FAT2: variants seen among roughly 807,000 people sequenced by gnomAD.
The protein encoded by FAT2 is protocadherin Fat 2.
FAT2 carries 150 observed loss-of-function variants against 295.3 expected under a neutral mutation model. The ratio of observed to expected loss-of-function variants is 0.51; its 90% CI spans 0.44 to 0.58. FAT2 has a LOEUF of 0.58. FAT2 is among the 20% of genes least tolerant of loss of function. The pLI is 0.00. For missense variants in FAT2, 4,868 were observed against 5,442.7 expected (o/e 0.89, Z 3.32); for synonymous variants, 2,026 against 2,150.3 (o/e 0.94, Z 1.60).
rs1365656221 is a variant in FAT2, at chr5:151,545,689, AAAAACTTCAAGGCCTCCGGCTCC to A, written c.5415_5437del (p.Leu1805PhefsTer4). ...GGTTCCCATGCTGGGATCAATTTTG[AAAAACTTCAAGGCCTCCGGCTCC>A]AAAATTTTATAGACCAACAAGGAAT... On this transcript the variant is annotated frameshift_variant, in exon 10 of 24. Coordinates refer to ENST00000261800, the MANE Select transcript of FAT2 (RefSeq NM_001447.3). LOFTEE classifies it high-confidence loss of function. The A allele has an allele frequency of 6.2e-6, 10 of 1,614,098 alleles. No homozygotes were observed. The African/African-American group carries it at 9.3e-5, about 15-fold the overall frequency.
intron 16 of FAT2, 73 bp downstream of exon 16, chr5:151,527,923 A>G (rs1754187413): frequency 2.6e-6 from 4 of 1,558,126 alleles, no homozygotes; most frequent in African/African-American, 1.4e-5. Context: ...ACAGCGATTC[A>G]TCTTCTGGAC....
At chr5:151,594,503 G>A (rs1038341339), upstream of FAT2, among the ~76,000 whole-genome samples, 10 of 152,196 alleles carry the variant, frequency 6.6e-5, no homozygotes, top group East Asian at 1.9e-4. Context: ...GGACCTCAGC[G>A]TCCCTCTTTC....
chr5:151,549,512 G>A lies in FAT2; in HGVS notation c.4579-7C>T. The A allele has an allele frequency of 3.1e-6, 5 of 1,613,472 alleles. No homozygotes were observed. Among genetic ancestry groups the A allele is most frequent in the Non-Finnish European group, 4.2e-6 (5 of 1,179,468 alleles). ...GTATTTCCTGGTCTCGGACCTATGG[G>A]CCCAAAGGGGGTAATTGGGTAAGCA... is the stretch of plus-strand genomic sequence containing the variant. On this transcript the variant is annotated splice_region_variant and splice_polypyrimidine_tract_variant and intron_variant, in intron 8 of 23. Transcript: ENST00000261800.
At position 151,512,101 on chromosome 5, in the gene FAT2, C is replaced by T. The variant is rs766585796; in HGVS notation, c.11905+64G>A. Reference sequence around the variant, plus strand: ...GCTCTGAGATCTCCACCCTGACATGCTTTTCCCACCTGAAGAGCCTTCTGG... The same window carrying T: ...GCTCTGAGATCTCCACCCTGACATGTTTTTCCCACCTGAAGAGCCTTCTGG... On this transcript the variant is annotated intron_variant, in intron 21 of 23. Transcript: ENST00000261800. The surrounding 1 kb of genome is among the most constrained non-coding windows in gnomAD (Gnocchi z 4.1). 6.7e-7 allele frequency: 1 copy of T among 1,489,110 alleles called. No homozygotes were observed. Among genetic ancestry groups the T allele is most frequent in the African/African-American group, 1.4e-5 (1 of 72,070 alleles). The allele number at this position is 1,489,110 out of a possible 1,614,324, so 92.2% of individuals were successfully genotyped here.
chr5:151,554,463 T>A lies in FAT2; in HGVS notation c.3844A>T (p.Ser1282Cys), dbSNP rs1391882863. 2 of 1,614,228 alleles carry A rather than the reference T, an allele frequency of 1.2e-6. No individual in the cohort carries two copies. Among genetic ancestry groups the A allele is most frequent in the Non-Finnish European group, 1.7e-6 (2 of 1,180,038 alleles). The change falls in exon 5 of 24, where the codon AGT becomes TGT. Residue 1282 changes from serine (S) to cysteine (C), a missense_variant. By Grantham distance (112) the Ser-to-Cys change is moderately radical. Around this residue, in one of 5 missense-constraint regions of FAT2, gnomAD observed 3,297 missense variants for 3,669.4 expected, o/e 0.90. Transcript: ENST00000261800. ...GCCTCCTCATCGCTGTCCTCGATAC[T>A]GTAGGTGACTCTGCCATTAAGACCC... ...DEGLNGRVTY[S>C]IEDSDEEAFS...
intron 1 of FAT2, among the ~76,000 whole-genome samples, chr5:151,579,304 G>A (rs1338162758): frequency 6.6e-6 from 1 of 152,226 alleles, no homozygotes; most frequent in African/African-American, 2.4e-5. Flanking sequence ...AGGCATGGTG[G>A]CTCATGCCTG....
chr5:151,580,997 T>A (rs1246996987), intron 1 of FAT2, among the ~76,000 whole-genome samples: 1 of 152,124 alleles, frequency 6.6e-6, no homozygotes, highest in Non-Finnish European at 1.5e-5. Context: ...TTCCCTTCCG[T>A]GAGCCCATCA....
rs747683098 is a variant in FAT2 at position 151,544,539 on chromosome 5, C to A, written c.6588G>T (p.Arg2196=). 2.5e-6 allele frequency: 4 copies of A among 1,613,960 alleles called. No homozygotes were observed. The highest frequency in any genetic ancestry group is 2.2e-5 in the South Asian group (2 of 91,068). ...LYTPILHTQA[R]SPEGLRLIYN... ...AGATGAGCCGGAGTCCCTCTGGACT[C>A]CGGGCCTGGGTGTGGAGAATTGGGG... The change falls in exon 10 of 24, where the codon CGG becomes CGT. Residue 2196 remains arginine (R), a synonymous_variant. Coordinates refer to ENST00000261800, the MANE Select transcript of FAT2 (RefSeq NM_001447.3).
chr5:151,575,681 G>A (rs11746958), intron 1 of FAT2, among the ~76,000 whole-genome samples: 69,976 of 151,954 alleles, frequency 0.46, 16,210 homozygotes, highest in Middle Eastern at 0.5. Context: ...AGGTTCACTC[G>A]TCTAGTAGGT....
Position 151,527,370 on chromosome 5 carries a change from C to A in FAT2, c.10172G>T (p.Ser3391Ile). 1.2e-6 allele frequency: 2 copies of A among 1,605,006 alleles called. No individual in the cohort carries two copies. Among genetic ancestry groups the A allele is most frequent in the South Asian group, 1.1e-5 (1 of 90,088 alleles). The change falls in exon 17 of 24, where the codon AGT (serine) becomes ATT (isoleucine). Residue 3391 changes from serine to isoleucine, a missense_variant. Ser to Ile is a moderately radical substitution (Grantham distance 142, BLOSUM62 -2). Around this residue, in one of 5 missense-constraint regions of FAT2, gnomAD observed 1,046 missense variants for 1,210.1 expected, o/e 0.86. Coordinates refer to ENST00000261800, the MANE Select transcript of FAT2 (RefSeq NM_001447.3). ...TGTGGCTCGGAGCTTCAGGGAATAACTAGAGGCCTATTGCAAAATGTCCAG... is the reference window on the plus strand; with the variant it reads ...TGTGGCTCGGAGCTTCAGGGAATAAATAGAGGCCTATTGCAAAATGTCCAG... ...AKALDREQAS[S>I]YSLKLRATDS...
At position 151,543,932 on chromosome 5, in the gene FAT2, G is replaced by T. The variant is rs374226227; in HGVS notation, c.7195C>A (p.Leu2399Ile). The T allele has an allele frequency of 1.2e-6, 2 of 1,614,148 alleles. No individual in the cohort carries two copies. The highest frequency in any genetic ancestry group is 1.7e-6 in the Non-Finnish European group (2 of 1,180,032). ...SELATCGHLV[L>I]KVQAIDPDSR... ...TCAGGGTCAATAGCCTGGACTTTAA[G>T]AACCAGGTGTCCACAGGTTGCCAGT... Residue 2399 changes from leucine (L) to isoleucine (I), a missense_variant, in exon 10 of 24, where the codon CTT (leucine) becomes ATT (isoleucine). By Grantham distance (5) the Leu-to-Ile change is conservative (BLOSUM62 2). Transcript: ENST00000261800.
At chr5:151,517,083 C>T (rs1194137062) in intron 20 of FAT2, among the ~76,000 whole-genome samples, 6 of 146,226 alleles carry the variant, frequency 4.1e-5, no homozygotes, top group East Asian at 2.0e-4. Flanking sequence ...ACTCCAGCCT[C>T]GGTGACAGAG....
intron 5 of FAT2, among the ~76,000 whole-genome samples, chr5:151,553,592 A>T (rs1206839047): frequency 6.6e-6 from 1 of 152,248 alleles, no homozygotes; most frequent in African/African-American, 2.4e-5. Context: ...CAAAACGTAT[A>T]ACCTGTGCTC....
At chr5:151,575,687 T>G (rs939387430) in intron 1 of FAT2, among the ~76,000 whole-genome samples, 2 of 152,214 alleles carry the variant, frequency 1.3e-5, no homozygotes, top group African/African-American at 4.8e-5. Context: ...ACTCGTCTAG[T>G]AGGTGATGGA....
At chr5:151,569,353 G>A (rs977489661) in intron 1 of FAT2, among the ~76,000 whole-genome samples, 2 of 152,142 alleles carry the variant, frequency 1.3e-5, no homozygotes, top group East Asian at 1.9e-4. Flanking sequence ...GTAGGCAGGG[G>A]AACTCCCCTT....
At chr5:151,529,901 A>G (rs1165217429) in intron 14 of FAT2, among the ~76,000 whole-genome samples, 2 of 152,264 alleles carry the variant, frequency 1.3e-5, no homozygotes, top group Admixed American at 1.3e-4. Flanking sequence ...AAGAAATAAA[A>G]GAACAAGGAT....
upstream of FAT2, among the ~76,000 whole-genome samples, chr5:151,592,011 G>A (rs1048398445): frequency 6.6e-6 from 1 of 152,158 alleles, no homozygotes; most frequent in African/African-American, 2.4e-5. Context: ...TTAAATGGAG[G>A]TAACAAGAAT....
chr5:151,586,613 C>G (rs1048809650), intron 1 of FAT2, among the ~76,000 whole-genome samples: 1 of 152,172 alleles, frequency 6.6e-6, no homozygotes, highest in Non-Finnish European at 1.5e-5. Context: ...TTCTACCTCA[C>G]GGGCAGGTAG....
At chr5:151,509,757 A>G (rs1424904517) in intron 22 of FAT2, 1 of 380,786 alleles carries the variant, frequency 2.6e-6, no homozygotes, top group Non-Finnish European at 4.8e-6. Context: ...ATAGAAATAA[A>G]GTGTGCAATA....
Sources: allele counts gnomAD v4.1 joint callset (sites outside exome capture counted in the v4.1 genomes callset), GRCh38; gene constraint gnomAD v4.1.1; regional missense constraint gnomAD v4.1.1; non-coding constraint Gnocchi (gnomAD v3.1); transcripts MANE v1.5; gene names NCBI Gene and HGNC (gene_info 2026-07-23, HGNC 2026-07-21).